KDM7A: variants seen among roughly 807,000 people sequenced by gnomAD.
The protein encoded by KDM7A is lysine-specific demethylase 7A.
Under a neutral mutation model 114.8 loss-of-function variants are expected in KDM7A, and 28 were observed. That is an observed-to-expected ratio of 0.24 (90% CI 0.18 to 0.33). KDM7A has a LOEUF of 0.33. KDM7A is among the 10% of genes least tolerant of loss of function. KDM7A has a pLI of 1.00. For synonymous variants in KDM7A, 423 were observed against 397.8 expected (o/e 1.06, Z -0.75); for missense variants, 942 against 1,142.5 (o/e 0.82, Z 2.53).
chr7:140,111,229 C>T, intron 10 of KDM7A, 45 bp from the exon 11 acceptor site: 1 of 1,286,590 alleles, frequency 7.8e-7, no homozygotes, highest in Non-Finnish European at 1.1e-6. Flanking sequence ...GTTATTTACA[C>T]TTTAATATGT....
At chr7:140,160,583 T>G (rs753874670) in intron 1 of KDM7A, among the ~76,000 whole-genome samples, 3 of 152,206 alleles carry the variant, frequency 2.0e-5, no homozygotes, top group Non-Finnish European at 4.4e-5. Flanking sequence ...AATACCAAGG[T>G]AAATCAAGTA....
chr7:140,157,992 AAAT>A (rs141893583), intron 1 of KDM7A, among the ~76,000 whole-genome samples: 3,482 of 146,336 alleles, frequency 0.024, 128 homozygotes, highest in African/African-American at 0.074. Flanking sequence ...ATAAATAAAT[AAAT>A]AATAATAATA....
chr7:140,118,196 A>G (rs1478012419), intron 9 of KDM7A, among the ~76,000 whole-genome samples: 1 of 152,240 alleles, frequency 6.6e-6, no homozygotes, highest in African/African-American at 2.4e-5. Flanking sequence ...AAAGTTAGAC[A>G]ACACAAAAAG....
rs894574699 is a variant in KDM7A at position 140,085,732 on chromosome 7, A to G, written c.*5362T>C. The G allele has an allele frequency of 1.3e-5, 2 of 152,202 alleles. No individual in the cohort carries two copies. Among genetic ancestry groups the G allele is most frequent in the African/African-American group, 4.8e-5 (2 of 41,432 alleles). The allele number at this position is 152,202 out of a possible 1,614,324, so 9.4% of individuals were successfully genotyped here. A position where few individuals can be genotyped will look rare whatever the true frequency, so the allele number is the denominator to read the frequency against. On this transcript the variant is annotated 3_prime_UTR_variant, in exon 20 of 20. Coordinates refer to ENST00000397560, the MANE Select transcript of KDM7A (RefSeq NM_030647.2). Reference sequence around the variant, plus strand: ...GTTTGGTTTAGGTTTCTTTTGCAAGATAAAATAACCTTGGGGTTCACTTAG... The same window carrying G: ...GTTTGGTTTAGGTTTCTTTTGCAAGGTAAAATAACCTTGGGGTTCACTTAG...
chr7:140,131,270 TG>T (rs938162133), intron 3 of KDM7A, among the ~76,000 whole-genome samples: 1 of 152,172 alleles, frequency 6.6e-6, no homozygotes, highest in Non-Finnish European at 1.5e-5. Context: ...TTAACATAAG[TG>T]GAGTTTGTCC....
intron 2 of KDM7A, among the ~76,000 whole-genome samples, chr7:140,138,395 G>A (rs1290658371): frequency 2.0e-5 from 3 of 152,112 alleles, no homozygotes; most frequent in Non-Finnish European, 4.4e-5. Flanking sequence ...TTCTTCTGAA[G>A]CACCTGTAAA....
chr7:140,171,777 C>T (rs1168750947), intron 1 of KDM7A, among the ~76,000 whole-genome samples: 1 of 151,938 alleles, frequency 6.6e-6, no homozygotes. Flanking sequence ...CAGAGCCAAA[C>T]AGTATGCTCT....
At chr7:140,142,978 G>A (rs994474005) in intron 1 of KDM7A, among the ~76,000 whole-genome samples, 4 of 151,768 alleles carry the variant, frequency 2.6e-5, no homozygotes, top group Non-Finnish European at 4.4e-5. Context: ...TCAGGAGATC[G>A]AGACCACCCT....
intron 7 of KDM7A, 134 bp downstream of exon 7, chr7:140,124,487 C>A: frequency 1.0e-5 from 6 of 596,728 alleles, no homozygotes; most frequent in South Asian, 6.3e-5. Context: ...CATAAAAGTC[C>A]AAGATCAGAA....
At chr7:140,110,164 AAAAGT>A (rs1233096273) in intron 11 of KDM7A, among the ~76,000 whole-genome samples, 23 of 152,114 alleles carry the variant, frequency 1.5e-4, no homozygotes, top group Non-Finnish European at 2.8e-4. Context: ...TTTACTTCCT[AAAAGT>A]AAAGATTTAT....
chr7:140,101,990 C>T lies in KDM7A; in HGVS notation c.1599G>A (p.Arg533=). Reference sequence around the variant, plus strand: ...ACATCTCTAATCTTTTGAGGACCTCCCTTGTGTGGAGCTCTAGGATGTCTA... The same window carrying T: ...ACATCTCTAATCTTTTGAGGACCTCTCTTGTGTGGAGCTCTAGGATGTCTA... ...SNLDILELHT[R]EVLKRLEMCP... The change falls in exon 12 of 20, where the codon AGG becomes AGA. Residue 533 remains arginine (R), a synonymous_variant. Coordinates refer to ENST00000397560, the MANE Select transcript of KDM7A (RefSeq NM_030647.2). 1 of 1,613,754 alleles carries T rather than the reference C, an allele frequency of 6.2e-7. No homozygotes were observed. The highest frequency in any genetic ancestry group is 8.5e-7 in the Non-Finnish European group (1 of 1,179,686).
Position 140,091,023 on chromosome 7 carries a change from A to C in KDM7A, c.*71T>G. 2.8e-6 allele frequency: 3 copies of C among 1,053,168 alleles called. No homozygotes were observed. Among genetic ancestry groups the C allele is most frequent in the Admixed American group, 1.7e-5 (1 of 57,268 alleles). The allele number at this position is 1,053,168 out of a possible 1,614,324, so 65.2% of individuals were successfully genotyped here. Reference sequence around the variant, plus strand: ...CACAAACTGCTCCAGGCAGGGGGACAGCGGAAGCTCCAGGCTCCTGCACCC... The same window carrying C: ...CACAAACTGCTCCAGGCAGGGGGACCGCGGAAGCTCCAGGCTCCTGCACCC... On this transcript the variant is annotated 3_prime_UTR_variant, in exon 20 of 20. Coordinates refer to ENST00000397560, the MANE Select transcript of KDM7A (RefSeq NM_030647.2).
intron 2 of KDM7A, among the ~76,000 whole-genome samples, chr7:140,134,669 G>A (rs1818839726): frequency 6.6e-6 from 1 of 151,930 alleles, no homozygotes; most frequent in Non-Finnish European, 1.5e-5. Context: ...AAATAAGATG[G>A]GTAGACAGCA....
intron 1 of KDM7A, among the ~76,000 whole-genome samples, chr7:140,139,872 T>C (rs1049855433): frequency 3.9e-5 from 6 of 152,144 alleles, no homozygotes; most frequent in Non-Finnish European, 8.8e-5. Flanking sequence ...ACATTAGATA[T>C]AAATGAGGAT....
In KDM7A at chr7:140,091,699, C is replaced by T. The variant is rs553057875; in HGVS notation, c.2731+105G>A. 4 of 1,222,546 alleles carry T rather than the reference C, an allele frequency of 3.3e-6. No individual in the cohort carries two copies. The South Asian group carries it at 3.9e-5, about 12-fold the overall frequency. 75.7% of individuals were successfully genotyped at this position (1,222,546 alleles called of 1,614,324 possible). ...TGCCATCACTATGCTGTCTACTATG[C>T]ATGAGATGTTGAACAACTTGAGTGC... On this transcript the variant is annotated intron_variant, in intron 19 of 19. Transcript: ENST00000397560.
In KDM7A at chr7:140,124,625, A is replaced by G; in HGVS notation, c.1047T>C (p.Pro349=). ...VVKQGHTLFV[P]TGWIHAVLTS... is the part of the protein sequence containing the mutation. ...GGGATGGGATGAAAACCTTACCTGT[A>G]GGAACAAATAAGGTATGTCCCTGCT... The change falls in exon 7 of 20, where the codon CCT becomes CCC. Residue 349 remains proline, a synonymous_variant. Transcript: ENST00000397560. 1 of 1,606,882 alleles carries G rather than the reference A, an allele frequency of 6.2e-7. No homozygotes were observed. The highest frequency in any genetic ancestry group is 8.5e-7 in the Non-Finnish European group (1 of 1,177,336).
At chr7:140,095,130 G>C (rs1477936896) in intron 17 of KDM7A, among the ~76,000 whole-genome samples, 1 of 152,220 alleles carries the variant, frequency 6.6e-6, no homozygotes, top group Non-Finnish European at 1.5e-5. Flanking sequence ...TTACTGGCGT[G>C]AACCACTGCG....
rs1451808058 is a variant in KDM7A at position 140,119,125 on chromosome 7, C to T, written c.1234G>A (p.Glu412Lys). The change falls in exon 9 of 20, where the codon GAA becomes AAA. Residue 412 changes from glutamate to lysine, a missense_variant. By Grantham distance (56) the Glu-to-Lys change is moderately conservative (BLOSUM62 1). Coordinates refer to ENST00000397560, the MANE Select transcript of KDM7A (RefSeq NM_030647.2). Reference sequence around the variant, plus strand: ...AATTATTAATTACCTTTCAGGGTTTCCAGCAAGTTTTTGGCTACAAACCAA... The same window carrying T: ...AATTATTAATTACCTTTCAGGGTTTTCAGCAAGTTTTTGGCTACAAACCAA... ...ICWFVAKNLL[E>K]TLKELREDGF... The T allele has an allele frequency of 1.3e-6, 2 of 1,595,856 alleles. No individual in the cohort carries two copies. Among genetic ancestry groups the T allele is most frequent in the East Asian group, 2.2e-5 (1 of 44,692 alleles).
chr7:140,126,260 T>C (rs937263004), intron 6 of KDM7A, among the ~76,000 whole-genome samples: 3 of 152,090 alleles, frequency 2.0e-5, no homozygotes, highest in African/African-American at 7.2e-5. Flanking sequence ...CAAGCTATCC[T>C]AGCCCAACAT....
Sources: allele counts gnomAD v4.1 joint callset (sites outside exome capture counted in the v4.1 genomes callset), GRCh38; gene constraint gnomAD v4.1.1; transcripts MANE v1.5; gene names NCBI Gene and HGNC (gene_info 2026-07-23, HGNC 2026-07-21).